Variants in EEF1A2 observed in about 807,000 individuals in gnomAD.
EEF1A2 encodes elongation factor 1-alpha 2.
A neutral mutation model predicts 39.3 loss-of-function variants in EEF1A2; 5 were observed. The observed-to-expected ratio is 0.13, with a 90% CI of 0.07 to 0.27. The LOEUF (loss-of-function observed/expected upper bound fraction) is 0.27, where lower values mean the gene tolerates loss of function less well. EEF1A2 is among the 10% of genes least tolerant of loss of function. EEF1A2 has a pLI of 1.00. For synonymous variants in EEF1A2, 287 were observed against 293.7 expected (o/e 0.98, Z 0.23); for missense variants, 218 against 681.4 (o/e 0.32, Z 7.57).
Position 63,488,215 on chromosome 20 carries a change from G to T in EEF1A2, c.*83C>A. ...GGTGCGGGGCGCCGGACCGGCGCGC[G>T]GGGCGGGGGCGGGGCGGGGGCCCGG... On this transcript the variant is annotated 3_prime_UTR_variant, in exon 8 of 8. Coordinates refer to ENST00000217182, the MANE Select transcript of EEF1A2 (RefSeq NM_001958.5). The T allele has an allele frequency of 1.2e-6, 1 of 859,284 alleles. No individual in the cohort carries two copies. The highest frequency in any genetic ancestry group is 1.4e-6 in the Non-Finnish European group (1 of 739,762). The allele number at this position is 859,284 out of a possible 1,614,324, so 53.2% of individuals were successfully genotyped here. A position where few individuals can be genotyped will look rare whatever the true frequency, so the allele number is the denominator to read the frequency against.
chr20:63,488,568 C>A (rs777682462), intron 7 of EEF1A2, 143 bp from the exon 8 acceptor site: 116 of 1,181,750 alleles, frequency 9.8e-5, no homozygotes, highest in Non-Finnish European at 1.2e-4. Flanking sequence ...GTGAAGACGG[C>A]CGGCCTCGCG....
Position 63,497,414 on chromosome 20 carries a change from C to T in EEF1A2, c.144+206G>A. The T allele has an allele frequency of 1.4e-6, 1 of 707,720 alleles. No homozygotes were observed. The highest frequency in any genetic ancestry group is 2.1e-6 in the Non-Finnish European group (1 of 471,892). 43.8% of individuals were successfully genotyped at this position (707,720 alleles called of 1,614,324 possible). A position where few individuals can be genotyped will look rare whatever the true frequency, so the allele number is the denominator to read the frequency against. ...AGGGCAAGTCCGGCAGCTCGATGGCCACCCCTCCCCCACCAAGCTCCCCCT... is the reference window on the plus strand; with the variant it reads ...AGGGCAAGTCCGGCAGCTCGATGGCTACCCCTCCCCCACCAAGCTCCCCCT... On this transcript the variant is annotated intron_variant, in intron 2 of 7. Transcript: ENST00000217182. The surrounding 1 kb of genome is among the most constrained non-coding windows in gnomAD (Gnocchi z 7.3).
At chr20:63,494,041 A>T (rs970205580) in intron 4 of EEF1A2, among the ~76,000 whole-genome samples, 2 of 152,110 alleles carry the variant, frequency 1.3e-5, no homozygotes, top group Non-Finnish European at 2.9e-5. Context: ...GAGCTGGGGG[A>T]GTCCCTCCCA....
At chr20:63,496,063 G>A (rs1185207122) in intron 2 of EEF1A2, 28 bp from the exon 3 acceptor site, 2 of 1,610,082 alleles carry the variant, frequency 1.2e-6, no homozygotes, top group Non-Finnish European at 1.7e-6. Flanking sequence ...CACGGCTGAG[G>A]GCGGGACCCG....
intron 5 of EEF1A2, 109 bp from the exon 6 acceptor site, chr20:63,490,844 C>T (rs989952183): frequency 3.7e-6 from 5 of 1,358,692 alleles, no homozygotes; most frequent in African/African-American, 2.9e-5. Flanking sequence ...TGGATCCCCC[C>T]GACAGGCCTG....
rs766461892 is a variant in EEF1A2 at position 63,495,868 on chromosome 20, C to A, written c.312G>T (p.Thr104=). ...GTGCCCTGCTCACCTGGGATGTACC[C>A]GTGATCATGTTCTTGATGAAGTCGC... The part of the protein sequence containing the change: ...GHRDFIKNMI[T]GTSQADCAVL... The change falls in exon 3 of 8, where the codon ACG becomes ACT. Residue 104 remains threonine, a synonymous_variant. Transcript: ENST00000217182. 6.2e-7 allele frequency: 1 copy of A among 1,613,046 alleles called. No individual in the cohort carries two copies. Among genetic ancestry groups the A allele is most frequent in the South Asian group, 1.1e-5 (1 of 91,074 alleles).
intron 6 of EEF1A2, 31 bp downstream of exon 6, chr20:63,490,448 C>T (rs2082373451): frequency 6.3e-7 from 1 of 1,591,046 alleles, no homozygotes; most frequent in Non-Finnish European, 8.6e-7. Context: ...CCAGCAGGCG[C>T]CAGCCCCCTG....
intron 2 of EEF1A2, chr20:63,496,304 G>A (rs575528786): frequency 2.5e-5 from 13 of 512,614 alleles, no homozygotes; most frequent in South Asian, 9.6e-5. Context: ...CCTGGGAGTC[G>A]CTCGCTCTAC....
Position 63,488,468 on chromosome 20 carries a change from G to C in EEF1A2, c.1265-43C>G. Reference sequence around the variant, plus strand: ...GCGTGTGGGCGGGGCCGGAGGACTTGACCCCCCCCAACCCCAGGGCTCTGG... The same window carrying C: ...GCGTGTGGGCGGGGCCGGAGGACTTCACCCCCCCCAACCCCAGGGCTCTGG... On this transcript the variant is annotated intron_variant, in intron 7 of 7. Coordinates refer to ENST00000217182, the MANE Select transcript of EEF1A2 (RefSeq NM_001958.5). 2.9e-6 allele frequency: 4 copies of C among 1,373,284 alleles called. 1 individual carries two copies. The highest frequency in any genetic ancestry group is 2.6e-4 in the Middle Eastern group (1 of 3,784). 85.1% of individuals were successfully genotyped at this position (1,373,284 alleles called of 1,614,324 possible). A position where few individuals can be genotyped will look rare whatever the true frequency, so the allele number is the denominator to read the frequency against.
rs1008174259 is a variant in EEF1A2, at chr20:63,497,418, C to T, written c.144+202G>A. ...CAAGTCCGGCAGCTCGATGGCCACC[C>T]CTCCCCCACCAAGCTCCCCCTAAGA... is the stretch of plus-strand genomic sequence containing the variant. On this transcript the variant is annotated intron_variant, in intron 2 of 7. Coordinates refer to ENST00000217182, the MANE Select transcript of EEF1A2 (RefSeq NM_001958.5). The surrounding 1 kb of genome is among the most constrained non-coding windows in gnomAD (Gnocchi z 7.3). 18 of 737,230 alleles carry T rather than the reference C, an allele frequency of 2.4e-5. No homozygotes were observed. The highest frequency in any genetic ancestry group is 3.4e-5 in the Non-Finnish European group (17 of 497,426). The allele number at this position is 737,230 out of a possible 1,614,324, so 45.7% of individuals were successfully genotyped here. A position where few individuals can be genotyped will look rare whatever the true frequency, so the allele number is the denominator to read the frequency against.
intron 6 of EEF1A2, 136 bp downstream of exon 6, chr20:63,490,343 G>T: frequency 8.8e-7 from 1 of 1,138,806 alleles, no homozygotes; most frequent in Non-Finnish European, 1.2e-6. Flanking sequence ...GGGATTACAG[G>T]CGTGAACCAC....
rs1469380688 is a variant in EEF1A2, at chr20:63,498,864, G to A, written c.-72+194C>T. On this transcript the variant is annotated intron_variant, in intron 1 of 7. Transcript: ENST00000217182. The surrounding 1 kb of genome is among the most constrained non-coding windows in gnomAD (Gnocchi z 4.1). ...ACGGGGCGATCGCCGCCCAGGACCC[G>A]GCCCCGCCGCCCCGCGCCGCCCCCC... The A allele has an allele frequency of 4.0e-5, 6 of 150,350 alleles. No homozygotes were observed. Among genetic ancestry groups the A allele is most frequent in the Non-Finnish European group, 7.4e-5 (5 of 67,394 alleles). 9.3% of individuals were successfully genotyped at this position (150,350 alleles called of 1,614,324 possible). A position where few individuals can be genotyped will look rare whatever the true frequency, so the allele number is the denominator to read the frequency against.
intron 5 of EEF1A2, among the ~76,000 whole-genome samples, chr20:63,492,306 G>GA (rs2082388272): frequency 6.9e-6 from 1 of 145,184 alleles, no homozygotes; most frequent in African/African-American, 2.6e-5. Context: ...AGGTGGGTGA[G>GA]TGGATGAATG....
Position 63,488,200 on chromosome 20 carries a change from G to C in EEF1A2, c.*98C>G. 1.2e-6 allele frequency: 1 copy of C among 817,178 alleles called. No individual in the cohort carries two copies. The highest frequency in any genetic ancestry group is 1.5e-6 in the Non-Finnish European group (1 of 685,370). 50.6% of individuals were successfully genotyped at this position (817,178 alleles called of 1,614,324 possible). ...CATGCGCCTGGCGGGGGTGCGGGGC[G>C]CCGGACCGGCGCGCGGGGCGGGGGC... On this transcript the variant is annotated 3_prime_UTR_variant, in exon 8 of 8. Coordinates refer to ENST00000217182, the MANE Select transcript of EEF1A2 (RefSeq NM_001958.5).
chr20:63,492,227 A>C, intron 5 of EEF1A2, among the ~76,000 whole-genome samples: 1 of 67,480 alleles, frequency 1.5e-5, no homozygotes, highest in Non-Finnish European at 3.0e-5. Flanking sequence ...GATGGATGGA[A>C]GGATGGATGG....
At chr20:63,495,273 G>A (rs183688954) in intron 3 of EEF1A2, among the ~76,000 whole-genome samples, 172 bp from the exon 4 acceptor site, 2 of 152,354 alleles carry the variant, frequency 1.3e-5, no homozygotes, top group African/African-American at 4.8e-5. Context: ...GCAGCATGGG[G>A]GCTCATCGCC....
intron 4 of EEF1A2, 79 bp downstream of exon 4, chr20:63,494,726 T>C: frequency 1.3e-6 from 2 of 1,512,378 alleles, no homozygotes; most frequent in East Asian, 2.4e-5. Context: ...GACCTCCCCG[T>C]GCCACCTGCC....
At chr20:63,490,826 C>G in intron 5 of EEF1A2, 91 bp from the exon 6 acceptor site, 2 of 1,452,012 alleles carry the variant, frequency 1.4e-6, no homozygotes, top group Non-Finnish European at 1.9e-6. Flanking sequence ...ACCAACAAAG[C>G]CTGGGACTGG....
chr20:63,491,040 GC>G (rs1396799895), intron 5 of EEF1A2, among the ~76,000 whole-genome samples: 1 of 152,250 alleles, frequency 6.6e-6, no homozygotes, highest in Non-Finnish European at 1.5e-5. Context: ...GCAGAGAGGG[GC>G]TGTCTGAACC....
Sources: allele counts gnomAD v4.1 joint callset (sites outside exome capture counted in the v4.1 genomes callset), GRCh38; gene constraint gnomAD v4.1.1; non-coding constraint Gnocchi (gnomAD v3.1); transcripts MANE v1.5; gene names NCBI Gene and HGNC (gene_info 2026-07-23, HGNC 2026-07-21).